CDH13: variants seen among roughly 807,000 people sequenced by gnomAD.
CDH13 encodes the protein cadherin-13.
In CDH13, 24 loss-of-function variants were observed where a neutral mutation model predicts 63.8. That is an observed-to-expected ratio of 0.38 (90% CI 0.27 to 0.53). The LOEUF (loss-of-function observed/expected upper bound fraction) is 0.53, where lower values mean the gene tolerates loss of function less well. CDH13 is among the 20% of genes least tolerant of loss of function. CDH13 has a pLI of 0.85. For missense variants in CDH13, 1,049 were observed against 903.1 expected, an observed-to-expected ratio of 1.16 and a Z score of -2.07; for synonymous variants, 503 against 355.3, an observed-to-expected ratio of 1.42 and a Z score of -4.67.
intron 2 of CDH13, among the ~76,000 whole-genome samples, chr16:82,979,795 G>T (rs933720258): frequency 6.6e-6 from 1 of 152,124 alleles, no homozygotes; most frequent in Admixed American, 6.5e-5. Context: ...TTTGAAAGAG[G>T]AAAACAATAA....
chr16:82,877,891 A>C (rs1395930238), intron 2 of CDH13, among the ~76,000 whole-genome samples: 1 of 149,824 alleles, frequency 6.7e-6, no homozygotes, highest in Non-Finnish European at 1.5e-5. Context: ...ATTCTTGAGG[A>C]GAGAGGAAGG....
At chr16:83,097,076 C>G (rs557908857) in intron 3 of CDH13, among the ~76,000 whole-genome samples, 5 of 152,306 alleles carry the variant, frequency 3.3e-5, no homozygotes, top group Admixed American at 2.6e-4. Context: ...TCTCTGTGTA[C>G]TGTGGACAAG....
At chr16:83,444,743 T>C (rs2151500663) in intron 6 of CDH13, among the ~76,000 whole-genome samples, 1 of 26,746 alleles carries the variant, frequency 3.7e-5, no homozygotes, top group African/African-American at 1.2e-4. Context: ...TGAAACCAGC[T>C]TAAATCTCTG....
At chr16:82,699,181 C>T (rs944503614) in intron 1 of CDH13, among the ~76,000 whole-genome samples, 1 of 152,168 alleles carries the variant, frequency 6.6e-6, no homozygotes, top group Non-Finnish European at 1.5e-5. Flanking sequence ...GCTCCCCTTT[C>T]ATATGGGGAG....
At chr16:82,971,595 G>A (rs1436765067) in intron 2 of CDH13, among the ~76,000 whole-genome samples, 1 of 152,156 alleles carries the variant, frequency 6.6e-6, no homozygotes, top group East Asian at 1.9e-4. Context: ...GTTTCTATAA[G>A]GTGTTCAACT....
At chr16:83,316,504 A>G (rs2090108383) in intron 5 of CDH13, among the ~76,000 whole-genome samples, 1 of 152,114 alleles carries the variant, frequency 6.6e-6, no homozygotes, top group Non-Finnish European at 1.5e-5. Context: ...CTGGCTCCTA[A>G]AGCAGAAGTG....
intron 1 of CDH13, among the ~76,000 whole-genome samples, chr16:82,702,472 C>A (rs1248421380): frequency 6.6e-6 from 1 of 152,180 alleles, no homozygotes; most frequent in Non-Finnish European, 1.5e-5. Context: ...GTACACAGTG[C>A]AGGCACCATA....
intron 2 of CDH13, among the ~76,000 whole-genome samples, chr16:82,988,686 C>A (rs773587976): frequency 6.6e-6 from 1 of 151,370 alleles, no homozygotes; most frequent in South Asian, 2.1e-4. Flanking sequence ...TGCTTGAACC[C>A]GGCTGGCGGA....
chr16:83,081,413 C>G (rs986316273), intron 3 of CDH13, among the ~76,000 whole-genome samples: 5 of 152,006 alleles, frequency 3.3e-5, no homozygotes, highest in Non-Finnish European at 7.3e-5. Context: ...GCCATCCAAC[C>G]TAGAACAAGG....
At chr16:83,288,485 C>G (rs1189169011) in intron 5 of CDH13, among the ~76,000 whole-genome samples, 1 of 152,162 alleles carries the variant, frequency 6.6e-6, no homozygotes, top group Non-Finnish European at 1.5e-5. Context: ...ATCAAGGTCG[C>G]AGGAGCAAGT....
intron 1 of CDH13, among the ~76,000 whole-genome samples, chr16:82,699,563 C>G (rs928615269): frequency 2.0e-5 from 3 of 152,208 alleles, no homozygotes; most frequent in Non-Finnish European, 4.4e-5. Context: ...AAGATTTCCT[C>G]TCCACTAAGA....
At chr16:83,377,281 A>T (rs2151410329) in intron 6 of CDH13, among the ~76,000 whole-genome samples, 1 of 152,314 alleles carries the variant, frequency 6.6e-6, no homozygotes, top group Admixed American at 6.5e-5. Context: ...AGCACCACTG[A>T]AGTTTTTAAC....
chr16:82,813,927 G>A (rs192340376), intron 1 of CDH13, among the ~76,000 whole-genome samples: 153 of 152,228 alleles, frequency 1.0e-3, no homozygotes, highest in Non-Finnish European at 1.7e-3. Flanking sequence ...CCATGCAATA[G>A]GGATAATATT....
At chr16:83,124,776 A>C (rs2035737180) in intron 3 of CDH13, among the ~76,000 whole-genome samples, 1 of 152,154 alleles carries the variant, frequency 6.6e-6, no homozygotes, top group Admixed American at 6.5e-5. Context: ...CATTTATTGA[A>C]TAGAGCGTCA....
intron 5 of CDH13, among the ~76,000 whole-genome samples, chr16:83,254,526 AT>A (rs1234152193): frequency 6.6e-6 from 1 of 152,156 alleles, no homozygotes; most frequent in African/African-American, 2.4e-5. Flanking sequence ...TAATGACTCT[AT>A]GGACAGGATC....
At chr16:83,400,758 C>T (rs190443116) in intron 6 of CDH13, among the ~76,000 whole-genome samples, 70 of 151,926 alleles carry the variant, frequency 4.6e-4, no homozygotes, top group Admixed American at 3.1e-3. Flanking sequence ...GTCCCATCAA[C>T]CCACACTCTT....
intron 10 of CDH13, among the ~76,000 whole-genome samples, chr16:83,743,844 C>T (rs555148233): frequency 2.0e-5 from 3 of 146,672 alleles, no homozygotes; most frequent in South Asian, 2.2e-4. Flanking sequence ...GCACCGTCTG[C>T]GTCCAGGCAC....
chr16:83,269,972 T>C (rs2088751550), intron 5 of CDH13, among the ~76,000 whole-genome samples: 1 of 152,186 alleles, frequency 6.6e-6, no homozygotes, highest in Non-Finnish European at 1.5e-5. Flanking sequence ...TTCTATTATT[T>C]TGAATGTAAG....
At chr16:83,539,281 C>A (rs1055944759) in intron 7 of CDH13, among the ~76,000 whole-genome samples, 1 of 152,116 alleles carries the variant, frequency 6.6e-6, no homozygotes, top group African/African-American at 2.4e-5. Context: ...ATCCCTCACA[C>A]GTGCAGTTCA....
Sources: allele counts gnomAD v4.1 joint callset (sites outside exome capture counted in the v4.1 genomes callset), GRCh38; gene constraint gnomAD v4.1.1; transcripts MANE v1.5; gene names NCBI Gene and HGNC (gene_info 2026-07-23, HGNC 2026-07-21).